NEK10: variants seen among roughly 807,000 people sequenced by gnomAD.
NEK10 encodes serine/threonine-protein kinase Nek10.
NEK10 carries 122 observed loss-of-function variants against 159.8 expected under a neutral mutation model. That is an observed-to-expected ratio of 0.76 (90% CI 0.66 to 0.89). The LOEUF is 0.89. Among genes scored for constraint, NEK10 ranks in the 40% least tolerant of loss-of-function variants. The pLI, the probability that NEK10 is intolerant of heterozygous loss-of-function variation, is 0.00. For missense variants in NEK10, 1,342 were observed against 1,323.1 expected, an observed-to-expected ratio of 1.01 and a Z score of -0.22; for synonymous variants, 466 against 457.1, an observed-to-expected ratio of 1.02 and a Z score of -0.25.
rs538625274 is a variant in NEK10 at position 27,115,916 on chromosome 3, T to C, written c.3299+24A>G. Reference sequence around the variant, plus strand: ...GATGACCTCAATTCATCTTTCACAATTGAAGGCAAACTCTAGCTCTTACCT... The same window carrying C: ...GATGACCTCAATTCATCTTTCACAACTGAAGGCAAACTCTAGCTCTTACCT... On this transcript the variant is annotated intron_variant, in intron 35 of 35. Coordinates refer to ENST00000691995, the MANE Select transcript of NEK10 (RefSeq NM_001394966.1). The C allele has an allele frequency of 2.8e-5, 44 of 1,576,264 alleles. No homozygotes were observed. In the East Asian group the frequency reaches 8.8e-4, roughly 31 times the overall value.
intron 1 of NEK10, among the ~76,000 whole-genome samples, chr3:27,357,326 CTG>C (rs1240188630): frequency 6.6e-6 from 1 of 152,044 alleles, no homozygotes; most frequent in Non-Finnish European, 1.5e-5. Context: ...TAAAAAAAAC[CTG>C]TGTTATTACT....
rs765180311 is a variant in NEK10, at chr3:27,301,695, C to T, written c.1168+1G>A. 1.3e-6 allele frequency: 2 copies of T among 1,543,966 alleles called. No individual in the cohort carries two copies. Among genetic ancestry groups the T allele is most frequent in the Admixed American group, 1.8e-5 (1 of 55,574 alleles). On this transcript the variant is annotated splice_donor_variant, in intron 13 of 35. Coordinates refer to ENST00000691995, the MANE Select transcript of NEK10 (RefSeq NM_001394966.1). LOFTEE classifies it high-confidence loss of function. ...CATATCAAATAATAAAACATAAATA[C>T]CTGCTTGAAGTGAGAAAGTATTTTC...
intron 1 of NEK10, among the ~76,000 whole-genome samples, chr3:27,358,288 C>T (rs1336954250): frequency 2.0e-5 from 3 of 152,192 alleles, no homozygotes; most frequent in South Asian, 2.1e-4. Flanking sequence ...GGTGTCTTTG[C>T]TTTTTTTGTA....
rs556528653 is a variant in NEK10, at chr3:27,228,689, C to T, written c.2091-26132G>A. Among the ~76,000 whole-genome samples, 14 of 152,280 alleles carry T rather than the reference C, an allele frequency of 9.2e-5. No individual in the cohort carries two copies. In the East Asian group the frequency reaches 2.1e-3, roughly 23 times the overall value. Reference sequence around the variant, plus strand: ...ACAATTTAGAATGATTGTAGCCCCACAGGAGGAGCACTCCCCAGATTCAGG... The same window carrying T: ...ACAATTTAGAATGATTGTAGCCCCATAGGAGGAGCACTCCCCAGATTCAGG... On this transcript the variant is annotated intron_variant, in intron 23 of 35. Transcript: ENST00000691995.
chr3:27,162,740 T>C lies in NEK10; in HGVS notation c.2832-2A>G. 1 of 1,614,144 alleles carries C rather than the reference T, an allele frequency of 6.2e-7. No homozygotes were observed. The highest frequency in any genetic ancestry group is 1.7e-5 in the Admixed American group (1 of 60,020). ...GATCCTGTTCCTCCAGTGAAGTCCC[T>C]GAAAATAGAATTACAGGCCATTAGA... On this transcript the variant is annotated splice_acceptor_variant, in intron 29 of 35. Transcript: ENST00000691995. LOFTEE classifies it high-confidence loss of function.
intron 23 of NEK10, among the ~76,000 whole-genome samples, chr3:27,226,197 A>ATT (rs11328346): frequency 1.4e-5 from 2 of 142,966 alleles, no homozygotes; most frequent in African/African-American, 2.5e-5. Context: ...ACGCCCGGCT[A>ATT]TTTTTTTTTT....
At chr3:27,255,858 G>T (rs1956114839) in intron 23 of NEK10, among the ~76,000 whole-genome samples, 1 of 152,066 alleles carries the variant, frequency 6.6e-6, no homozygotes, top group African/African-American at 2.4e-5. Context: ...ACTAGGATAG[G>T]TATTAGTGTA....
intron 26 of NEK10, among the ~76,000 whole-genome samples, chr3:27,191,096 A>G (rs546221515): frequency 2.0e-5 from 3 of 152,346 alleles, no homozygotes; most frequent in South Asian, 2.1e-4. Context: ...AAACAGTAGT[A>G]CTTTCCTTCT....
At chr3:27,325,222 T>G (rs1225376126) in intron 5 of NEK10, among the ~76,000 whole-genome samples, 3 of 152,202 alleles carry the variant, frequency 2.0e-5, no homozygotes, top group Non-Finnish European at 4.4e-5. Flanking sequence ...TGGTGCTTGG[T>G]GCACACGTTA....
intron 22 of NEK10, among the ~76,000 whole-genome samples, chr3:27,270,736 A>C (rs1240920954): frequency 6.6e-6 from 1 of 152,014 alleles, no homozygotes; most frequent in Non-Finnish European, 1.5e-5. Flanking sequence ...ACGAGTGTCC[A>C]TTTACTCATT....
intron 23 of NEK10, among the ~76,000 whole-genome samples, chr3:27,226,753 T>C (rs576018455): frequency 6.6e-6 from 1 of 152,058 alleles, no homozygotes; most frequent in South Asian, 2.1e-4. Context: ...GAAAAAAAGA[T>C]ATATGAAAAA....
At chr3:27,216,002 C>A in intron 23 of NEK10, 1 of 466,258 alleles carries the variant, frequency 2.1e-6, no homozygotes, top group Non-Finnish European at 3.8e-6. Flanking sequence ...GATTAAAATT[C>A]AACATGAAAT....
intron 22 of NEK10, among the ~76,000 whole-genome samples, chr3:27,266,572 G>C (rs778948612): frequency 2.6e-5 from 4 of 152,116 alleles, no homozygotes; most frequent in Non-Finnish European, 5.9e-5. Context: ...CTCCTCCTTG[G>C]TTTCCCATCT....
intron 24 of NEK10, 68 bp downstream of exon 24, chr3:27,202,360 C>A: frequency 1.4e-6 from 2 of 1,445,136 alleles, no homozygotes; most frequent in Non-Finnish European, 1.9e-6. Context: ...TCACAAAGAT[C>A]TGTTTAATAA....
intron 5 of NEK10, among the ~76,000 whole-genome samples, chr3:27,340,744 G>A (rs9654048): frequency 0.021 from 3,189 of 152,262 alleles, 62 homozygotes; most frequent in East Asian, 0.063. Flanking sequence ...CTCATACACT[G>A]TTTGTGGGAA....
intron 23 of NEK10, among the ~76,000 whole-genome samples, chr3:27,254,778 G>A (rs1956010171): frequency 2.0e-5 from 3 of 152,074 alleles, no homozygotes; most frequent in Non-Finnish European, 4.4e-5. Context: ...TTATCTATAT[G>A]AGTAGGTTCA....
chr3:27,153,650 G>A (rs989566366), intron 30 of NEK10, among the ~76,000 whole-genome samples: 1 of 152,068 alleles, frequency 6.6e-6, no homozygotes, highest in African/African-American at 2.4e-5. Context: ...AACTGCAAAA[G>A]GAACCTTCAA....
At chr3:27,240,547 T>C (rs765539731) in intron 23 of NEK10, among the ~76,000 whole-genome samples, 6 of 152,140 alleles carry the variant, frequency 3.9e-5, no homozygotes, top group Non-Finnish European at 8.8e-5. Context: ...AAAGAGACAG[T>C]TGAGCAACTT....
At chr3:27,321,155 C>T (rs1234720263) in intron 6 of NEK10, among the ~76,000 whole-genome samples, 3 of 128,200 alleles carry the variant, frequency 2.3e-5, no homozygotes, top group African/African-American at 8.4e-5. Flanking sequence ...AAAGGAGACA[C>T]TTTTTCAGTT....
Sources: allele counts gnomAD v4.1 joint callset (sites outside exome capture counted in the v4.1 genomes callset), GRCh38; gene constraint gnomAD v4.1.1; transcripts MANE v1.5; gene names NCBI Gene and HGNC (gene_info 2026-07-23, HGNC 2026-07-21).